GOLGA1: variants seen among roughly 807,000 people sequenced by gnomAD.
GOLGA1 encodes the protein golgin A1, also known as golgin subfamily A member 1.
A neutral mutation model predicts 119.7 loss-of-function variants in GOLGA1; 63 were observed. That is an observed-to-expected ratio of 0.53 (90% CI 0.43 to 0.65). GOLGA1 has a LOEUF of 0.65. GOLGA1 is among the 30% of genes least tolerant of loss of function. The probability of loss-of-function intolerance (pLI) is 0.00; values close to 1 mark genes in which losing one functional copy is unlikely to be tolerated. For missense variants in GOLGA1, 798 were observed against 912.8 expected, an observed-to-expected ratio of 0.87 and a Z score of 1.62; for synonymous variants, 318 against 333.4, an observed-to-expected ratio of 0.95 and a Z score of 0.50.
rs1052344645 is a variant in GOLGA1, at chr9:124,899,490, C to A, written c.1162-12G>T. On this transcript the variant is annotated splice_polypyrimidine_tract_variant and intron_variant, in intron 13 of 22. Transcript: ENST00000373555. ...TGGTTGGCGGCAGCCTGCGGGGAGA[C>A]CAAAGGACGGTCAGTCAGGGTGACA... 6.5e-7 allele frequency: 1 copy of A among 1,542,390 alleles called. No individual in the cohort carries two copies. Among genetic ancestry groups the A allele is most frequent in the Non-Finnish European group, 8.7e-7 (1 of 1,148,240 alleles).
intron 10 of GOLGA1, among the ~76,000 whole-genome samples, 181 bp downstream of exon 10, chr9:124,920,948 C>A (rs560162825): frequency 2.4e-4 from 36 of 152,096 alleles, no homozygotes; most frequent in Admixed American, 3.9e-4. Context: ...TTCTGCTAAG[C>A]AACCCTTGTT....
intron 10 of GOLGA1, among the ~76,000 whole-genome samples, chr9:124,913,623 TGAAGACTAGATTTATGA>T (rs1400002132): frequency 1.3e-5 from 2 of 152,220 alleles, no homozygotes; most frequent in Non-Finnish European, 2.9e-5. Flanking sequence ...AGGGGAAGTC[TGAAGACTAGATTTATGA>T]CCCCACAATT....
chr9:124,918,221 A>G (rs901404770), intron 10 of GOLGA1, among the ~76,000 whole-genome samples: 2 of 152,204 alleles, frequency 1.3e-5, no homozygotes, highest in African/African-American at 4.8e-5. Context: ...CATCACGGTT[A>G]GTAATTATAT....
chr9:124,898,561 T>C lies in GOLGA1; in HGVS notation c.1395A>G (p.Leu465=). 1.3e-6 allele frequency: 2 copies of C among 1,573,962 alleles called. No individual in the cohort carries two copies. The highest frequency in any genetic ancestry group is 1.3e-5 in the African/African-American group (1 of 74,230). ...ATTAGATAAATACCTTCAGCTTCTT[T>C]AGTTCAAATTGGTGATTTTGTAAAG... The part of the protein sequence containing the change: ...ERSLQNHQFE[L]KKLKEEWSQR... The change falls in exon 15 of 23, where the codon CTA becomes CTG. Residue 465 remains leucine (L), a synonymous_variant. Coordinates refer to ENST00000373555, the MANE Select transcript of GOLGA1 (RefSeq NM_002077.4).
chr9:124,890,977 A>C (rs1341732359), intron 15 of GOLGA1, among the ~76,000 whole-genome samples: 1 of 152,160 alleles, frequency 6.6e-6, no homozygotes, highest in African/African-American at 2.4e-5. Context: ...TAACACAGTG[A>C]GGATCTGTCT....
rs746250365 is a variant in GOLGA1, at chr9:124,889,281, C to A, written c.1623G>T (p.Gln541His). ...CCAGCTCGGCCTGCAGCTGGTGTATCTGCAGCAGGGCAGAGTTGTGACCTA... is the reference window on the plus strand; with the variant it reads ...CCAGCTCGGCCTGCAGCTGGTGTATATGCAGCAGGGCAGAGTTGTGACCTA... ...LERGHNSALLQIHQLQAELEA... is the reference protein window; with the variant it reads ...LERGHNSALLHIHQLQAELEA... Residue 541 changes from glutamine to histidine, a missense_variant, in exon 18 of 23, where the codon CAG becomes CAT. Transcript: ENST00000373555. 1 of 1,613,834 alleles carries A rather than the reference C, an allele frequency of 6.2e-7. No individual in the cohort carries two copies. Among genetic ancestry groups the A allele is most frequent in the Non-Finnish European group, 8.5e-7 (1 of 1,179,896 alleles).
chr9:124,895,469 C>T (rs547843759), intron 15 of GOLGA1, among the ~76,000 whole-genome samples: 51 of 146,230 alleles, frequency 3.5e-4, no homozygotes, highest in African/African-American at 1.2e-3. Context: ...GAGAACCCTC[C>T]ACAACAGAGA....
upstream of GOLGA1, chr9:124,944,859 A>C (rs1831121135): frequency 6.6e-6 from 1 of 152,210 alleles, no homozygotes; most frequent in South Asian, 2.1e-4. Context: ...GGACATTCAC[A>C]ACAGCTTCAG....
At chr9:124,890,237 G>A in intron 16 of GOLGA1, 152 bp downstream of exon 16, 1 of 621,176 alleles carries the variant, frequency 1.6e-6, no homozygotes, top group East Asian at 2.7e-5. Flanking sequence ...AGAGAGCACA[G>A]GGGCCCACGC....
At chr9:124,904,756 A>C (rs78939089) in intron 12 of GOLGA1, among the ~76,000 whole-genome samples, 4 of 152,196 alleles carry the variant, frequency 2.6e-5, no homozygotes, top group African/African-American at 9.6e-5. Context: ...CCTGGCCAAC[A>C]TGGTGAAACC....
Position 124,931,348 on chromosome 9 carries a change from T to A in GOLGA1, c.194A>T (p.Glu65Val). The change falls in exon 4 of 23, where the codon GAA becomes GTA. Residue 65 changes from glutamate (E) to valine (V), a missense_variant. Glu to Val is a moderately radical substitution (Grantham distance 121). Transcript: ENST00000373555. ...TCTGGCCTCTAACTTCCGTATCTGTTCATTCCTTCTCAGAAGCTGGGATGA... is the reference window on the plus strand; with the variant it reads ...TCTGGCCTCTAACTTCCGTATCTGTACATTCCTTCTCAGAAGCTGGGATGA... ...DLSSQLLRRN[E>V]QIRKLEARLS... 6.3e-7 allele frequency: 1 copy of A among 1,592,038 alleles called. No homozygotes were observed. The highest frequency in any genetic ancestry group is 8.6e-7 in the Non-Finnish European group (1 of 1,159,996).
chr9:124,911,735 C>T (rs1830344797), intron 11 of GOLGA1, among the ~76,000 whole-genome samples, 166 bp downstream of exon 11: 1 of 152,194 alleles, frequency 6.6e-6, no homozygotes, highest in Non-Finnish European at 1.5e-5. Flanking sequence ...CCACAGGGGA[C>T]ATAAGGCTCT....
Position 124,921,775 on chromosome 9 carries a change from T to A in GOLGA1, c.679A>T (p.Ser227Cys). ...CTCTGCAATTCTTCTAGCTTCTGGC[T>A]TAAGTCTGATGACATCTGATTGGAG... The part of the protein sequence containing the change: ...MNSNQMSSDL[S>C]QKLEELQRHY... The change falls in exon 9 of 23, where the codon AGC becomes TGC. Residue 227 changes from serine to cysteine, a missense_variant. Coordinates refer to ENST00000373555, the MANE Select transcript of GOLGA1 (RefSeq NM_002077.4). 1 of 1,613,950 alleles carries A rather than the reference T, an allele frequency of 6.2e-7. No homozygotes were observed. The highest frequency in any genetic ancestry group is 8.5e-7 in the Non-Finnish European group (1 of 1,179,776).
chr9:124,903,323 G>A (rs551953324), intron 12 of GOLGA1, among the ~76,000 whole-genome samples: 16 of 152,058 alleles, frequency 1.1e-4, no homozygotes, highest in African/African-American at 3.6e-4. Context: ...CCCTATCTCT[G>A]CTAAAAATAC....
chr9:124,887,531 C>A (rs1019575952), intron 19 of GOLGA1: 1 of 152,006 alleles, frequency 6.6e-6, no homozygotes, highest in African/African-American at 2.4e-5. Context: ...GGCTACGATA[C>A]TGCCACTGCT....
At chr9:124,895,773 G>C (rs892536384) in intron 15 of GOLGA1, among the ~76,000 whole-genome samples, 13 of 143,478 alleles carry the variant, frequency 9.1e-5, no homozygotes, top group African/African-American at 2.1e-4. Context: ...CCACAACAGA[G>C]AGCCTCCACA....
At position 124,946,969 on chromosome 9, in the gene GOLGA1, T is replaced by C. The variant is rs1350861357; in HGVS notation, c.-156+949A>G. On this transcript the variant is annotated intron_variant, in intron 1 of 4. Coordinates refer to the GOLGA1 transcript ENST00000421514. The surrounding 1 kb of genome is among the most constrained non-coding windows in gnomAD (Gnocchi z 4.0). ...TCATAGCTGCTGCAAATATACAAAT[T>C]AACAACCTCCCGTTCCTCACTAAAT... 3.3e-5 allele frequency: 5 copies of C among 152,092 alleles called. No individual in the cohort carries two copies. Among genetic ancestry groups the C allele is most frequent in the Non-Finnish European group, 7.4e-5 (5 of 68,002 alleles). The allele number at this position is 152,092 out of a possible 1,614,324, so 9.4% of individuals were successfully genotyped here. A position where few individuals can be genotyped will look rare whatever the true frequency, so the allele number is the denominator to read the frequency against.
intron 7 of GOLGA1, among the ~76,000 whole-genome samples, chr9:124,924,068 C>A (rs917568497): frequency 6.6e-6 from 1 of 152,122 alleles, no homozygotes; most frequent in Non-Finnish European, 1.5e-5. Flanking sequence ...GTTTGCCAGG[C>A]TGGTCTCGAA....
At chr9:124,928,686 T>C (rs184640745) in intron 5 of GOLGA1, among the ~76,000 whole-genome samples, 5 of 152,330 alleles carry the variant, frequency 3.3e-5, no homozygotes, top group African/African-American at 9.6e-5. Context: ...CAAAAAACCT[T>C]TCTTTTACTT....
Sources: gnomAD v4.1 joint callset for allele counts (sites outside exome capture counted in the v4.1 genomes callset) on GRCh38, gnomAD v4.1.1 for gene constraint, Gnocchi (gnomAD v3.1) non-coding constraint, MANE v1.5 for transcripts, NCBI Gene and HGNC (gene_info 2026-07-23, HGNC 2026-07-21) for gene names.